The following KAT6A variants were observed in gnomAD, a reference collection of about 807,000 sequenced individuals.
The protein encoded by KAT6A is histone acetyltransferase KAT6A.
In KAT6A, 9 loss-of-function variants were observed where a neutral mutation model predicts 198.4. The observed-to-expected ratio is 0.05, with a 90% confidence interval of 0.03 to 0.08. The LOEUF (loss-of-function observed/expected upper bound fraction) is 0.08. Ranked by LOEUF, KAT6A falls within the 10% of genes least tolerant of loss-of-function variation. KAT6A has a pLI of 1.00. For synonymous variants in KAT6A, 890 were observed against 883.0 expected, an observed-to-expected ratio of 1.01 and a Z score of -0.14; for missense variants, 2,077 against 2,509.9, an observed-to-expected ratio of 0.83 and a Z score of 3.69.
At chr8:42,045,572 A>AC (rs1371523172) in intron 2 of KAT6A, among the ~76,000 whole-genome samples, 1 of 151,704 alleles carries the variant, frequency 6.6e-6, no homozygotes, top group Non-Finnish European at 1.5e-5. Context: ...CAAAAAAAAA[A>AC]AAAAAACAAA....
chr8:41,986,120 T>C (rs1428117208), intron 3 of KAT6A, among the ~76,000 whole-genome samples: 1 of 152,164 alleles, frequency 6.6e-6, no homozygotes, highest in Non-Finnish European at 1.5e-5. Flanking sequence ...TTTGTATTTT[T>C]AGTAGTGATG....
chr8:41,986,002 G>A (rs929430019), intron 3 of KAT6A, among the ~76,000 whole-genome samples: 7 of 151,988 alleles, frequency 4.6e-5, no homozygotes, highest in Non-Finnish European at 8.8e-5. Flanking sequence ...GTGCAGTGAC[G>A]CCATCTCAGC....
At chr8:42,040,735 C>CAAAAAAAAAAAAAAAAAAAAAAAAA (rs59959496) in intron 2 of KAT6A, among the ~76,000 whole-genome samples, 1 of 54,666 alleles carries the variant, frequency 1.8e-5, no homozygotes, top group Non-Finnish European at 3.3e-5. Context: ...GACTCTGTCT[C>CAAAAAAAAAAAAAAAAAAAAAAAAA]AAAAAAAAAA....
chr8:41,978,884 C>T (rs965529035), intron 5 of KAT6A, 107 bp from the exon 6 acceptor site: 7 of 1,025,166 alleles, frequency 6.8e-6, no homozygotes, highest in African/African-American at 3.2e-5. Context: ...AAAAGACTGT[C>T]ATTAGAAAAT....
At chr8:42,044,586 A>T (rs1827821260) in intron 2 of KAT6A, among the ~76,000 whole-genome samples, 1 of 152,212 alleles carries the variant, frequency 6.6e-6, no homozygotes, top group Non-Finnish European at 1.5e-5. Context: ...TCCAAAGGTT[A>T]ATATCACCAA....
chr8:41,932,753 G>C lies in KAT6A; in HGVS notation c.5467C>G (p.Leu1823Val). 2 of 1,614,240 alleles carry C rather than the reference G, an allele frequency of 1.2e-6. No individual in the cohort carries two copies. The highest frequency in any genetic ancestry group is 1.7e-6 in the Non-Finnish European group (2 of 1,180,046). ...TTGCACTGAAGCAGAGGAGATGTGA[G>C]GTTCATGGTAGTGGATGCCAAGTTT... ...PPNLASTTMN[L>V]TSPLLQCNMS... is the part of the protein sequence containing the mutation. The change falls in exon 17 of 17, where the codon CTC becomes GTC. Residue 1823 changes from leucine (L) to valine (V), a missense_variant. Physicochemically the swap from Leu to Val is conservative, Grantham distance 32. Transcript: ENST00000265713.
At chr8:42,042,215 C>A (rs953546503) in intron 2 of KAT6A, among the ~76,000 whole-genome samples, 1 of 152,144 alleles carries the variant, frequency 6.6e-6, no homozygotes, top group African/African-American at 2.4e-5. Context: ...TCCCAGCACT[C>A]TGGGAGGCCG....
At chr8:42,005,278 CTAAGT>C (rs757531083) in intron 2 of KAT6A, among the ~76,000 whole-genome samples, 1 of 152,194 alleles carries the variant, frequency 6.6e-6, no homozygotes, top group African/African-American at 2.4e-5. Context: ...AAAGCATACT[CTAAGT>C]TAATATTGCA....
intron 10 of KAT6A, among the ~76,000 whole-genome samples, chr8:41,948,295 T>C (rs942919651): frequency 6.6e-6 from 1 of 152,190 alleles, no homozygotes; most frequent in Non-Finnish European, 1.5e-5. Context: ...AATACATTTA[T>C]TAGGTAAAAG....
Position 42,022,073 on chromosome 8 carries a change from G to A in KAT6A, c.600+26305C>T, listed in dbSNP as rs965553845. On this transcript the variant is annotated intron_variant, in intron 2 of 16. Transcript: ENST00000265713. ...ACATTCTAATATACTACGGCAAATC[G>A]TTTGACCTCTATGAGCCTTCAACAC... is the stretch of plus-strand genomic sequence containing the variant. Among the ~76,000 whole-genome samples, 6 of 152,040 alleles carry A rather than the reference G, an allele frequency of 3.9e-5. No individual in the cohort carries two copies. The South Asian group carries it at 1.0e-3, about 26-fold the overall frequency.
intron 10 of KAT6A, among the ~76,000 whole-genome samples, chr8:41,948,859 A>G (rs1429892112): frequency 6.6e-6 from 1 of 152,134 alleles, no homozygotes; most frequent in East Asian, 1.9e-4. Context: ...GAGGATCAAG[A>G]GCGCTACTAA....
At chr8:41,938,908 GC>G (rs555906876) in intron 15 of KAT6A, among the ~76,000 whole-genome samples, 90 of 145,870 alleles carry the variant, frequency 6.2e-4, no homozygotes, top group Non-Finnish European at 1.1e-3. Context: ...AGATCATGCC[GC>G]TGCACTCCAG....
intron 8 of KAT6A, among the ~76,000 whole-genome samples, chr8:41,962,199 T>C (rs1360259142): frequency 6.6e-6 from 1 of 152,114 alleles, no homozygotes; most frequent in African/African-American, 2.4e-5. Flanking sequence ...GGTGATCTCA[T>C]CTAGTCTCAT....
intron 2 of KAT6A, among the ~76,000 whole-genome samples, chr8:42,044,396 TG>T (rs1827811380): frequency 6.6e-6 from 1 of 151,984 alleles, no homozygotes; most frequent in Admixed American, 6.6e-5. Flanking sequence ...CCACCAGGCC[TG>T]GCCTAAAAAC....
chr8:41,966,073 G>A (rs1322298307), intron 8 of KAT6A, among the ~76,000 whole-genome samples: 1 of 152,084 alleles, frequency 6.6e-6, no homozygotes, highest in Non-Finnish European at 1.5e-5. Context: ...CCTTAGTTGG[G>A]CAAGTCACTA....
intron 8 of KAT6A, 62 bp from the exon 9 acceptor site, chr8:41,955,473 A>T (rs1480094923): frequency 9.5e-7 from 1 of 1,049,806 alleles, no homozygotes. Flanking sequence ...ATAACAAAGA[A>T]AGTTCTGAAT....
chr8:42,036,812 A>G (rs898357179), intron 2 of KAT6A, among the ~76,000 whole-genome samples: 3 of 152,208 alleles, frequency 2.0e-5, no homozygotes, highest in Non-Finnish European at 2.9e-5. Flanking sequence ...AGTGAGGGTA[A>G]GGAGAAAGAA....
chr8:41,939,531 A>G (rs1822003129), intron 15 of KAT6A, among the ~76,000 whole-genome samples: 1 of 152,158 alleles, frequency 6.6e-6, no homozygotes, highest in Admixed American at 6.5e-5. Flanking sequence ...CACTATGCCC[A>G]GCTTCCCTAT....
chr8:41,988,450 A>T (rs1466230788), intron 2 of KAT6A, among the ~76,000 whole-genome samples: 1 of 152,236 alleles, frequency 6.6e-6, no homozygotes, highest in Non-Finnish European at 1.5e-5. Context: ...AAATTTTTTT[A>T]AAATTGGACT....
Sources: gnomAD v4.1 joint callset for allele counts (sites outside exome capture counted in the v4.1 genomes callset) on GRCh38, gnomAD v4.1.1 for gene constraint, MANE v1.5 for transcripts, NCBI Gene and HGNC (gene_info 2026-07-23, HGNC 2026-07-21) for gene names.